PKP4: variants seen among roughly 807,000 people sequenced by gnomAD.
The protein encoded by PKP4 is plakophilin 4.
PKP4 carries 90 observed loss-of-function variants against 145.1 expected under a neutral mutation model. The observed-to-expected ratio is 0.62, with a 90% confidence interval of 0.52 to 0.74. The LOEUF is 0.74. PKP4 is among the 30% of genes least tolerant of loss of function. The probability of loss-of-function intolerance (pLI) is 0.00; values close to 1 mark genes in which losing one functional copy is unlikely to be tolerated. For missense variants in PKP4, 1,340 were observed against 1,482.7 expected (o/e 0.90, Z 1.58); for synonymous variants, 563 against 577.2 (o/e 0.98, Z 0.35).
At chr2:158,477,577 GAAGA>G (rs1692680145) in intron 1 of PKP4, among the ~76,000 whole-genome samples, 2 of 152,296 alleles carry the variant, frequency 1.3e-5, no homozygotes, top group African/African-American at 4.8e-5. Flanking sequence ...ACCCCGTAAA[GAAGA>G]AAGAAGTATC....
intron 2 of PKP4, among the ~76,000 whole-genome samples, chr2:158,564,925 A>G (rs1457855656): frequency 1.3e-5 from 2 of 152,176 alleles, no homozygotes; most frequent in Admixed American, 6.6e-5. Context: ...ATTTGATTTG[A>G]GAAGAATGTT....
In PKP4 at chr2:158,620,981, T is replaced by C; in HGVS notation, c.281-9T>C. On this transcript the variant is annotated splice_polypyrimidine_tract_variant and intron_variant, in intron 4 of 21. Transcript: ENST00000389759. ...TTATATTTAGCTGATTAAACTTTTC[T>C]TGTTACAGACGTGCCAAATACTGGT... 1 of 1,612,350 alleles carries C rather than the reference T, an allele frequency of 6.2e-7. No individual in the cohort carries two copies. Among genetic ancestry groups the C allele is most frequent in the East Asian group, 2.2e-5 (1 of 44,854 alleles).
At chr2:158,530,443 C>G (rs2105614286) in intron 1 of PKP4, among the ~76,000 whole-genome samples, 2 of 150,738 alleles carry the variant, frequency 1.3e-5, no homozygotes, top group East Asian at 3.9e-4. Flanking sequence ...ATTGAGGTCA[C>G]TGAGGGAAGC....
intron 4 of PKP4, among the ~76,000 whole-genome samples, chr2:158,605,236 T>A (rs907509410): frequency 1.3e-5 from 2 of 152,228 alleles, no homozygotes; most frequent in African/African-American, 4.8e-5. Context: ...CGTGTGCATA[T>A]ATTAGCTTCA....
At chr2:158,517,635 T>TCCTGTGCTACTTGCACATA (rs1469542648) in intron 1 of PKP4, among the ~76,000 whole-genome samples, 1 of 152,078 alleles carries the variant, frequency 6.6e-6, no homozygotes, top group African/African-American at 2.4e-5. Context: ...AGTAGCACAT[T>TCCTGTGCTACTTGCACATA]CCTGTGCTAC....
At chr2:158,483,396 C>T (rs1234086452) in intron 1 of PKP4, among the ~76,000 whole-genome samples, 5 of 149,356 alleles carry the variant, frequency 3.3e-5, no homozygotes, top group African/African-American at 1.2e-4. Flanking sequence ...TTTGTCTTCT[C>T]ATTCTCTGCT....
At chr2:158,666,693 G>A (rs2057118693) in intron 16 of PKP4, 130 bp downstream of exon 16, 1 of 696,552 alleles carries the variant, frequency 1.4e-6, no homozygotes, top group East Asian at 3.2e-5. Context: ...CAGTTTCTTG[G>A]CATATTTGAG....
Position 158,577,039 on chromosome 2 carries a change from T to G in PKP4, c.133-232T>G, listed in dbSNP as rs147914207. Among the ~76,000 whole-genome samples the G allele has an allele frequency of 1.7e-3, 255 of 152,182 alleles. 1 individual carries two copies. The highest frequency in any genetic ancestry group is 5.8e-3 in the African/African-American group (240 of 41,526). On this transcript the variant is annotated intron_variant, in intron 2 of 21. Transcript: ENST00000389759. The stretch of plus-strand genomic sequence containing the variant: ...CAAAATCAGAAAAGGCAAATAAAGA[T>G]CTACATGGTTTTTATGCCAAATAAA...
intron 1 of PKP4, among the ~76,000 whole-genome samples, chr2:158,492,496 CT>C (rs1695083856): frequency 1.3e-5 from 2 of 152,200 alleles, no homozygotes; most frequent in East Asian, 1.9e-4. Context: ...CTGGCACCCC[CT>C]CTCCCCCACA....
Position 158,673,866 on chromosome 2 carries a change from T to A in PKP4, c.3010-17T>A, listed in dbSNP as rs1461172720. 1 of 1,563,524 alleles carries A rather than the reference T, an allele frequency of 6.4e-7. No homozygotes were observed. Among genetic ancestry groups the A allele is most frequent in the Non-Finnish European group, 8.8e-7 (1 of 1,133,796 alleles). ...ATTATTCATTTTGAGAGGTTTCTTTTTCTCTTAACTCTGCAGGATGGGTGG... is the reference window on the plus strand; with the variant it reads ...ATTATTCATTTTGAGAGGTTTCTTTATCTCTTAACTCTGCAGGATGGGTGG... On this transcript the variant is annotated splice_polypyrimidine_tract_variant and intron_variant, in intron 18 of 21. Coordinates refer to ENST00000389759, the MANE Select transcript of PKP4 (RefSeq NM_003628.6).
rs1336601175 is a variant in PKP4 at position 158,523,180 on chromosome 2, G to A, written c.-5-10000G>A. ...TGTAGGCTCCACCTCTGGGGGCAGG[G>A]CACAGACAAACAAAAAGACAGCAGT... is the stretch of plus-strand genomic sequence containing the variant. On this transcript the variant is annotated intron_variant, in intron 1 of 21. Transcript: ENST00000389759. Among the ~76,000 whole-genome samples, 10 of 149,544 alleles carry A rather than the reference G, an allele frequency of 6.7e-5. No homozygotes were observed. The East Asian group carries it at 2.0e-3, about 30-fold the overall frequency.
intron 12 of PKP4, chr2:158,659,480 C>G (rs1297286423): frequency 6.6e-6 from 1 of 152,280 alleles, no homozygotes; most frequent in Non-Finnish European, 1.5e-5. Flanking sequence ...GATCCCTGCT[C>G]TGATGGAACC....
intron 17 of PKP4, among the ~76,000 whole-genome samples, chr2:158,672,939 T>C (rs1024667757): frequency 2.0e-5 from 3 of 152,186 alleles, no homozygotes; most frequent in African/African-American, 7.2e-5. Flanking sequence ...AGTGTTCAGT[T>C]GTCCTTAGGG....
At chr2:158,469,128 T>TG (rs1032516714) in intron 1 of PKP4, among the ~76,000 whole-genome samples, 18 of 150,592 alleles carry the variant, frequency 1.2e-4, no homozygotes, top group Non-Finnish European at 2.4e-4. Flanking sequence ...CTTGCTCTAT[T>TG]GCCCAGGCTG....
chr2:158,643,427 A>T (rs181710845), intron 11 of PKP4, among the ~76,000 whole-genome samples: 4 of 152,228 alleles, frequency 2.6e-5, no homozygotes, highest in Admixed American at 2.6e-4. Context: ...AAACCTCGTG[A>T]GGGCCAAGTG....
intron 15 of PKP4, among the ~76,000 whole-genome samples, chr2:158,664,434 C>G (rs1030581993): frequency 6.6e-6 from 1 of 152,222 alleles, no homozygotes; most frequent in Non-Finnish European, 1.5e-5. Context: ...CCCAGACAGT[C>G]CTTGTCTGAG....
Position 158,582,206 on chromosome 2 carries a change from GAATT to G in PKP4, c.245+4827_245+4830del, listed in dbSNP as rs751894793. On this transcript the variant is annotated intron_variant, in intron 3 of 21. Transcript: ENST00000389759. ...ACTCATTGAAGTTTGGTTTTGGAAT[GAATT>G]AATAAAGAAGTTATGGTTTGTCTGC... Among the ~76,000 whole-genome samples, 20 of 152,196 alleles carry G rather than the reference GAATT, an allele frequency of 1.3e-4. 2 individuals are homozygous for G. The highest frequency in any genetic ancestry group is 1.2e-3 in the South Asian group (6 of 4,814).
chr2:158,541,924 T>C (rs914628090), intron 2 of PKP4, among the ~76,000 whole-genome samples: 2 of 152,222 alleles, frequency 1.3e-5, no homozygotes, highest in African/African-American at 2.4e-5. Flanking sequence ...TCTAATAAAC[T>C]ATTCTGGCAG....
chr2:158,554,201 ACT>A lies in PKP4; in HGVS notation c.132+20886_132+20887del, dbSNP rs1198047300. Reference sequence around the variant, plus strand: ...GACATTCAGTAGCCTTCTGGCACTCACTGTCATTCGCTGAAGATTCAGCTCAT... The same window carrying A: ...GACATTCAGTAGCCTTCTGGCACTCAGTCATTCGCTGAAGATTCAGCTCAT... On this transcript the variant is annotated intron_variant, in intron 2 of 21. Transcript: ENST00000389759. 5.1e-3 allele frequency among the ~76,000 whole-genome samples: 766 copies of A among 151,490 alleles called. 4 individuals are homozygous for A. Among genetic ancestry groups the A allele is most frequent in the South Asian group, 0.012 (56 of 4,740 alleles).
Sources: allele counts gnomAD v4.1 joint callset (sites outside exome capture counted in the v4.1 genomes callset), GRCh38; gene constraint gnomAD v4.1.1; transcripts MANE v1.5; gene names NCBI Gene and HGNC (gene_info 2026-07-23, HGNC 2026-07-21).